DNM3: variants seen among roughly 807,000 people sequenced by gnomAD.
DNM3 encodes the protein dynamin-3.
Under a neutral mutation model 101.6 loss-of-function variants are expected in DNM3, and 47 were observed. The ratio of observed to expected loss-of-function variants is 0.46; its 90% CI spans 0.37 to 0.59. DNM3 has a LOEUF of 0.59. Ranked by LOEUF, DNM3 falls within the 20% of genes least tolerant of loss-of-function variation. DNM3 has a pLI of 0.00. For synonymous variants in DNM3, 385 were observed against 387.9 expected (o/e 0.99, Z 0.09); for missense variants, 849 against 1,085.7 (o/e 0.78, Z 3.06).
intron 11 of DNM3, among the ~76,000 whole-genome samples, chr1:172,072,263 G>A (rs1022942048): frequency 5.9e-5 from 9 of 152,110 alleles, no homozygotes; most frequent in Non-Finnish European, 8.8e-5. Context: ...TAATGATCAC[G>A]CTTCCTAATG....
At chr1:172,199,827 C>G (rs936429131) in intron 14 of DNM3, among the ~76,000 whole-genome samples, 2 of 152,022 alleles carry the variant, frequency 1.3e-5, no homozygotes, top group African/African-American at 4.8e-5. Context: ...AATGACAAGA[C>G]AGCATACTAT....
chr1:172,009,632 A>T (rs1307368262), intron 4 of DNM3, among the ~76,000 whole-genome samples: 3 of 151,890 alleles, frequency 2.0e-5, no homozygotes, highest in Admixed American at 1.3e-4. Context: ...TATTGCAGTA[A>T]GTTCTGTCAA....
At position 172,192,408 on chromosome 1, in the gene DNM3, G is replaced by T. The variant is rs549119513; in HGVS notation, c.1659+61120G>T. 4.3e-3 allele frequency among the ~76,000 whole-genome samples: 655 copies of T among 151,134 alleles called. 3 individuals are homozygous for T. Among genetic ancestry groups the T allele is most frequent in the African/African-American group, 0.015 (618 of 41,198 alleles). Reference sequence around the variant, plus strand: ...TTTATTATTATACTTTAAGTTTTAGGGTACATGTGCACATTGTGCAGGTTA... The same window carrying T: ...TTTATTATTATACTTTAAGTTTTAGTGTACATGTGCACATTGTGCAGGTTA... On this transcript the variant is annotated intron_variant, in intron 14 of 20. Transcript: ENST00000627582.
At chr1:171,966,634 C>T (rs1024856483) in intron 2 of DNM3, among the ~76,000 whole-genome samples, 1 of 152,118 alleles carries the variant, frequency 6.6e-6, no homozygotes. Context: ...TTGTATTACA[C>T]AATAGAGTCA....
intron 13 of DNM3, among the ~76,000 whole-genome samples, chr1:172,129,444 C>G (rs1477160339): frequency 6.6e-6 from 1 of 152,082 alleles, no homozygotes; most frequent in Admixed American, 6.6e-5. Context: ...AGAAACCATA[C>G]TGTATTAGTC....
chr1:172,087,694 C>T (rs563676073), intron 12 of DNM3, among the ~76,000 whole-genome samples: 2 of 152,244 alleles, frequency 1.3e-5, no homozygotes, highest in Non-Finnish European at 2.9e-5. Context: ...TTCTTTCTAT[C>T]ATCATTGCCA....
chr1:171,858,143 G>T (rs6657315), intron 1 of DNM3, among the ~76,000 whole-genome samples: 88,637 of 152,006 alleles, frequency 0.58, 26,068 homozygotes, highest in East Asian at 0.8. Context: ...TACTTAACTT[G>T]TATTGAGTTT....
At chr1:171,902,556 A>C (rs1362155273) in intron 1 of DNM3, among the ~76,000 whole-genome samples, 5 of 152,168 alleles carry the variant, frequency 3.3e-5, no homozygotes, top group South Asian at 2.1e-4. Context: ...AAATGTGTTG[A>C]GGAGTGATAA....
intron 20 of DNM3, chr1:172,397,294 G>T (rs1449801464): frequency 1.3e-5 from 2 of 152,544 alleles, no homozygotes; most frequent in African/African-American, 4.8e-5. Flanking sequence ...AAAAATTAAG[G>T]AAACATTAGT....
At chr1:172,260,457 T>A (rs1347665854) in intron 15 of DNM3, among the ~76,000 whole-genome samples, 1 of 152,120 alleles carries the variant, frequency 6.6e-6, no homozygotes, top group Non-Finnish European at 1.5e-5. Context: ...ACACCAAAAT[T>A]TGAATATTTG....
chr1:172,188,993 G>A (rs1348491454), intron 14 of DNM3, among the ~76,000 whole-genome samples: 2 of 152,000 alleles, frequency 1.3e-5, no homozygotes, highest in Non-Finnish European at 2.9e-5. Context: ...ATAATTTTGT[G>A]TTTTGTGTCT....
intron 14 of DNM3, among the ~76,000 whole-genome samples, chr1:172,180,808 T>C (rs532688): frequency 0.57 from 86,279 of 151,982 alleles, 26,589 homozygotes; most frequent in African/African-American, 0.81. Flanking sequence ...TATGTATATG[T>C]ATGAAAATTT....
intron 4 of DNM3, among the ~76,000 whole-genome samples, chr1:172,026,732 G>T (rs1448169943): frequency 1.3e-5 from 2 of 151,586 alleles, no homozygotes; most frequent in Non-Finnish European, 2.9e-5. Flanking sequence ...TTGGCTCACT[G>T]CAAGCTCCGC....
intron 20 of DNM3, chr1:172,418,246 T>C (rs1265706767): frequency 7.8e-7 from 1 of 1,279,972 alleles, no homozygotes; most frequent in South Asian, 1.2e-5. Context: ...TCTTTCTTTT[T>C]GTTATTTTGT....
chr1:171,847,244 G>C (rs1181827725), intron 1 of DNM3, among the ~76,000 whole-genome samples: 2 of 151,978 alleles, frequency 1.3e-5, no homozygotes, highest in Non-Finnish European at 2.9e-5. Context: ...AACTAATCAG[G>C]ATAAAAAATT....
intron 15 of DNM3, among the ~76,000 whole-genome samples, chr1:172,265,304 A>T (rs1295640953): frequency 6.6e-6 from 1 of 152,096 alleles, no homozygotes; most frequent in Non-Finnish European, 1.5e-5. Context: ...TTTACAAGCC[A>T]GGTGACCAGA....
intron 14 of DNM3, among the ~76,000 whole-genome samples, chr1:172,169,541 AC>A (rs2058872989): frequency 6.6e-6 from 1 of 151,988 alleles, no homozygotes; most frequent in African/African-American, 2.4e-5. Context: ...CACTAATGCC[AC>A]TGAGCCTTGA....
chr1:172,169,746 A>G (rs981139343), intron 14 of DNM3, among the ~76,000 whole-genome samples: 2 of 151,964 alleles, frequency 1.3e-5, no homozygotes, highest in African/African-American at 4.8e-5. Flanking sequence ...AACATAGGTT[A>G]ATATTATTCC....
chr1:172,256,813 A>G (rs969573893), intron 15 of DNM3, among the ~76,000 whole-genome samples: 2 of 150,862 alleles, frequency 1.3e-5, no homozygotes, highest in Admixed American at 6.6e-5. Flanking sequence ...AAATCTATAG[A>G]TTTCTCGCCA....
Sources: allele counts gnomAD v4.1 joint callset (sites outside exome capture counted in the v4.1 genomes callset), GRCh38; gene constraint gnomAD v4.1.1; transcripts MANE v1.5; gene names NCBI Gene and HGNC (gene_info 2026-07-23, HGNC 2026-07-21).